Variants in FARP1 observed in about 807,000 individuals in gnomAD.
FARP1 encodes FERM, ARHGEF and pleckstrin domain-containing protein 1.
In FARP1, 52 loss-of-function variants were observed where a neutral mutation model predicts 128.8. The observed-to-expected ratio is 0.40, with a 90% confidence interval of 0.32 to 0.51. FARP1 has a LOEUF of 0.51. FARP1 is among the 20% of genes least tolerant of loss of function. FARP1 has a pLI of 0.45. For synonymous variants in FARP1, 580 were observed against 551.8 expected, an observed-to-expected ratio of 1.05 and a Z score of -0.72; for missense variants, 1,333 against 1,367.9, an observed-to-expected ratio of 0.97 and a Z score of 0.40.
chr13:98,229,214 C>A (rs568282790), intron 2 of FARP1, among the ~76,000 whole-genome samples: 1 of 152,166 alleles, frequency 6.6e-6, no homozygotes, highest in Admixed American at 6.5e-5. Context: ...CCCCACATTT[C>A]TTTGCAAAGA....
chr13:98,147,225 A>G (rs1458092576), intron 1 of FARP1, among the ~76,000 whole-genome samples: 1 of 152,212 alleles, frequency 6.6e-6, no homozygotes, highest in Non-Finnish European at 1.5e-5. Flanking sequence ...TTACTAAAAT[A>G]TCATGCTCGA....
chr13:98,449,067 G>A lies in FARP1; in HGVS notation c.*750G>A, dbSNP rs1280563089. On this transcript the variant is annotated 3_prime_UTR_variant, in exon 27 of 27. Coordinates refer to ENST00000319562, the MANE Select transcript of FARP1 (RefSeq NM_005766.4). Reference sequence around the variant, plus strand: ...CTGGACTGTCACCGTCCTGTGAGTGGTGTACACAATGGGAAGATAATAAGC... The same window carrying A: ...CTGGACTGTCACCGTCCTGTGAGTGATGTACACAATGGGAAGATAATAAGC... 1 of 152,192 alleles carries A rather than the reference G, an allele frequency of 6.6e-6. No homozygotes were observed. The highest frequency in any genetic ancestry group is 1.5e-5 in the Non-Finnish European group (1 of 68,062). The allele number at this position is 152,192 out of a possible 1,614,324, so 9.4% of individuals were successfully genotyped here. A position where few individuals can be genotyped will look rare whatever the true frequency, so the allele number is the denominator to read the frequency against.
At chr13:98,389,812 T>C in intron 9 of FARP1, 145 bp from the exon 10 acceptor site, 12 of 690,660 alleles carry the variant, frequency 1.7e-5, no homozygotes, top group Admixed American at 3.0e-5. Context: ...TAGAGTTTAG[T>C]AAGTCTTTGC....
chr13:98,365,461 T>G, intron 4 of FARP1, 24 bp downstream of exon 4: 1 of 1,547,136 alleles, frequency 6.5e-7, no homozygotes, highest in Non-Finnish European at 8.9e-7. Context: ...ATATGTTTAA[T>G]AGTGATGTGA....
intron 2 of FARP1, among the ~76,000 whole-genome samples, chr13:98,302,866 T>C (rs1188677501): frequency 6.6e-6 from 1 of 152,020 alleles, no homozygotes; most frequent in Admixed American, 6.6e-5. Context: ...AATAAGCCCA[T>C]TTGGGCAAGA....
At chr13:98,303,926 A>T (rs1405066458) in intron 2 of FARP1, among the ~76,000 whole-genome samples, 1 of 152,226 alleles carries the variant, frequency 6.6e-6, no homozygotes, top group Non-Finnish European at 1.5e-5. Context: ...CTCTTTGATT[A>T]GAAAGTTCCA....
intron 2 of FARP1, among the ~76,000 whole-genome samples, chr13:98,217,443 C>T (rs758039709): frequency 6.6e-5 from 10 of 152,168 alleles, no homozygotes; most frequent in Non-Finnish European, 1.5e-4. Context: ...AGAGGGAACT[C>T]GGCGTCTACG....
chr13:98,358,952 A>G (rs1453515548), intron 3 of FARP1, among the ~76,000 whole-genome samples: 1 of 152,184 alleles, frequency 6.6e-6, no homozygotes, highest in African/African-American at 2.4e-5. Context: ...TTTTTCTTTT[A>G]GGAGTCAACT....
chr13:98,246,783 A>C (rs1341373727), intron 2 of FARP1, among the ~76,000 whole-genome samples: 1 of 152,216 alleles, frequency 6.6e-6, no homozygotes, highest in Non-Finnish European at 1.5e-5. Flanking sequence ...GCTTTGTCAG[A>C]GCTTTCTACC....
chr13:98,201,750 G>GATAA (rs1256041784), intron 1 of FARP1, among the ~76,000 whole-genome samples: 1 of 152,152 alleles, frequency 6.6e-6, no homozygotes, highest in Non-Finnish European at 1.5e-5. Context: ...GGTTATTTAA[G>GATAA]ATAACCTATT....
chr13:98,142,924 C>A (rs1159972400), upstream of FARP1: 2 of 151,366 alleles, frequency 1.3e-5, no homozygotes, highest in Non-Finnish European at 2.9e-5. Context: ...CGGGAGGCCC[C>A]TGGGCGCACC....
chr13:98,158,661 G>C (rs143060402), intron 1 of FARP1, among the ~76,000 whole-genome samples: 51 of 152,304 alleles, frequency 3.3e-4, no homozygotes, highest in Non-Finnish European at 2.4e-4. Flanking sequence ...GTGTGAGTTT[G>C]AGGTCAGGCT....
At chr13:98,429,878 C>A (rs537987140) in intron 17 of FARP1, among the ~76,000 whole-genome samples, 39 of 152,196 alleles carry the variant, frequency 2.6e-4, no homozygotes, top group Non-Finnish European at 5.3e-4. Context: ...CAAAACCTTT[C>A]ATCATTTTGT....
chr13:98,415,848 G>A (rs1332561922), intron 16 of FARP1, among the ~76,000 whole-genome samples: 1 of 152,246 alleles, frequency 6.6e-6, no homozygotes, highest in Non-Finnish European at 1.5e-5. Context: ...GATTGGGATG[G>A]GTAAGATCCG....
In FARP1 at chr13:98,200,391, C is replaced by CT. The variant is rs1277554973; in HGVS notation, c.-23-12829_-23-12828insT. ...ATCACCTGGAATGCAACCTTCACCCCCCCCCCCTCCCCTTTGTGATTCAGT... is the reference window on the plus strand; with the variant it reads ...ATCACCTGGAATGCAACCTTCACCCCTCCCCCCCTCCCCTTTGTGATTCAGT... On this transcript the variant is annotated intron_variant, in intron 1 of 26. Coordinates refer to ENST00000319562, the MANE Select transcript of FARP1 (RefSeq NM_005766.4). Among the ~76,000 whole-genome samples the CT allele has an allele frequency of 1.3e-4, 18 of 137,388 alleles. 1 individual carries two copies. Among genetic ancestry groups the CT allele is most frequent in the Non-Finnish European group, 2.5e-4 (16 of 65,002 alleles). 90.1% of individuals were successfully genotyped at this position (137,388 alleles called of 152,430 possible).
At chr13:98,424,475 G>T (rs1566309561) in intron 16 of FARP1, 97 bp from the exon 17 acceptor site, 3 of 783,942 alleles carry the variant, frequency 3.8e-6, no homozygotes, top group Admixed American at 1.9e-5. Context: ...CCGGGGAGGG[G>T]TGATTGGAAA....
At chr13:98,437,038 A>G (rs1296967684) in intron 19 of FARP1, among the ~76,000 whole-genome samples, 1 of 152,208 alleles carries the variant, frequency 6.6e-6, no homozygotes, top group South Asian at 2.1e-4. Flanking sequence ...CATGGAGACC[A>G]TGGCCTCTCC....
intron 8 of FARP1, among the ~76,000 whole-genome samples, chr13:98,386,888 A>C (rs1409614424): frequency 6.6e-6 from 1 of 152,196 alleles, no homozygotes; most frequent in Non-Finnish European, 1.5e-5. Context: ...TCCCAAGAAG[A>C]GTTAAGTTGG....
At chr13:98,264,041 A>G (rs1337500029) in intron 2 of FARP1, among the ~76,000 whole-genome samples, 1 of 152,174 alleles carries the variant, frequency 6.6e-6, no homozygotes, top group Non-Finnish European at 1.5e-5. Context: ...AGCACTGGGC[A>G]AAAGTGTGTT....
Sources: allele counts gnomAD v4.1 joint callset (sites outside exome capture counted in the v4.1 genomes callset), GRCh38; gene constraint gnomAD v4.1.1; transcripts MANE v1.5; gene names NCBI Gene and HGNC (gene_info 2026-07-23, HGNC 2026-07-21).